Variants in NEK1 observed in about 807,000 individuals in gnomAD.
NEK1 encodes NIMA related kinase 1.
Under a neutral mutation model 182.1 loss-of-function variants are expected in NEK1, and 137 were observed. The ratio of observed to expected loss-of-function variants is 0.75; its 90% confidence interval spans 0.65 to 0.87. NEK1 has a LOEUF of 0.87. Ranked by LOEUF, NEK1 falls within the 40% of genes least tolerant of loss-of-function variation. The probability of loss-of-function intolerance (pLI) is 0.00; values close to 1 mark genes in which losing one functional copy is unlikely to be tolerated. For missense variants in NEK1, 1,391 were observed against 1,494.4 expected, an observed-to-expected ratio of 0.93 and a Z score of 1.14; for synonymous variants, 513 against 492.2, an observed-to-expected ratio of 1.04 and a Z score of -0.56.
At chr4:169,606,147 A>T (rs1771300778) in intron 2 of NEK1, among the ~76,000 whole-genome samples, 1 of 151,756 alleles carries the variant, frequency 6.6e-6, no homozygotes, top group Non-Finnish European at 1.5e-5. Flanking sequence ...AAAGAGTAAG[A>T]GTGATGGGGA....
intron 19 of NEK1, among the ~76,000 whole-genome samples, chr4:169,526,730 C>T (rs1411338264): frequency 6.6e-6 from 1 of 152,070 alleles, no homozygotes; most frequent in Non-Finnish European, 1.5e-5. Flanking sequence ...ATTGTTCAGG[C>T]TTATTTGATA....
At chr4:169,501,507 A>T (rs1480183685) in intron 23 of NEK1, among the ~76,000 whole-genome samples, 3 of 152,210 alleles carry the variant, frequency 2.0e-5, no homozygotes, top group Non-Finnish European at 4.4e-5. Flanking sequence ...GTCATAAAGC[A>T]AGTCTCAATA....
At position 169,602,561 on chromosome 4, in the gene NEK1, T is replaced by C. The variant is rs774586024; in HGVS notation, c.70A>G (p.Thr24Ala). The C allele has an allele frequency of 3.1e-6, 5 of 1,608,550 alleles. No homozygotes were observed. The highest frequency in any genetic ancestry group is 4.5e-5 in the East Asian group (2 of 44,654). The change falls in exon 3 of 36, where the codon ACA becomes GCA. Residue 24 changes from threonine to alanine, a missense_variant. Transcript: ENST00000507142. Reference sequence around the variant, plus strand: ...ATAACATACTGTCTGCCATCTTCTGTAGATTTAACAAGAATGGCTTTTCCA... The same window carrying C: ...ATAACATACTGTCTGCCATCTTCTGCAGATTTAACAAGAATGGCTTTTCCA... ...SFGKAILVKSTEDGRQYVIKE... is the reference protein window; with the variant it reads ...SFGKAILVKSAEDGRQYVIKE...
intron 12 of NEK1, among the ~76,000 whole-genome samples, chr4:169,565,032 T>G (rs1260943070): frequency 6.6e-6 from 1 of 152,162 alleles, no homozygotes; most frequent in Admixed American, 6.5e-5. Context: ...TCCCACACCC[T>G]CACTGTATTA....
intron 23 of NEK1, among the ~76,000 whole-genome samples, chr4:169,501,843 A>G (rs1362145436): frequency 6.6e-6 from 1 of 152,270 alleles, no homozygotes; most frequent in East Asian, 1.9e-4. Context: ...TACAGGAACT[A>G]GAAGAACAAA....
chr4:169,406,519 A>G (rs1030839887), intron 32 of NEK1, 77 bp downstream of exon 32: 10 of 1,024,584 alleles, frequency 9.8e-6, no homozygotes, highest in Non-Finnish European at 1.4e-5. Flanking sequence ...AAAAAGAGCT[A>G]GGTAAGTTAT....
chr4:169,398,733 T>C (rs1182544705), intron 35 of NEK1, among the ~76,000 whole-genome samples: 2 of 152,194 alleles, frequency 1.3e-5, no homozygotes, highest in Admixed American at 6.5e-5. Context: ...TACATATATA[T>C]ATTTCAATGC....
Position 169,600,228 on chromosome 4 carries a change from G to C in NEK1, c.215-1031C>G, listed in dbSNP as rs74815091. Among the ~76,000 whole-genome samples the C allele has an allele frequency of 2.7e-3, 412 of 151,938 alleles. 1 individual carries two copies. Among genetic ancestry groups the C allele is most frequent in the South Asian group, 5.6e-3 (27 of 4,812 alleles). ...GTATTTTTTTTTTCTTTTGAGACAGGGTCCAGGTTAGAGTGCAATGGCACG... is the reference window on the plus strand; with the variant it reads ...GTATTTTTTTTTTCTTTTGAGACAGCGTCCAGGTTAGAGTGCAATGGCACG... On this transcript the variant is annotated intron_variant, in intron 4 of 35. Transcript: ENST00000507142.
intron 33 of NEK1, among the ~76,000 whole-genome samples, chr4:169,400,919 A>AT (rs1337197099): frequency 1.8e-4 from 18 of 100,722 alleles, no homozygotes; most frequent in Non-Finnish European, 2.6e-4. Flanking sequence ...TGTTACTTAA[A>AT]TAAAAAAAAA....
chr4:169,401,543 A>G (rs1266558970), intron 33 of NEK1, 109 bp downstream of exon 33: 2 of 788,280 alleles, frequency 2.5e-6, no homozygotes, highest in Admixed American at 2.5e-5. Context: ...GGCATGCTTC[A>G]GTTGTATTTA....
At chr4:169,546,690 T>C (rs1291777373) in intron 18 of NEK1, among the ~76,000 whole-genome samples, 1 of 152,244 alleles carries the variant, frequency 6.6e-6, no homozygotes, top group Non-Finnish European at 1.5e-5. Context: ...TTAGGATAGT[T>C]AGCTCTTCTT....
chr4:169,570,092 T>C (rs1423227712), intron 12 of NEK1, among the ~76,000 whole-genome samples: 1 of 142,416 alleles, frequency 7.0e-6, no homozygotes, highest in East Asian at 2.1e-4. Context: ...GTGAGGAGCG[T>C]CTCTGCCTGG....
chr4:169,475,193 C>G (rs922088203), intron 26 of NEK1, among the ~76,000 whole-genome samples: 2 of 152,062 alleles, frequency 1.3e-5, no homozygotes, highest in Non-Finnish European at 2.9e-5. Flanking sequence ...CAGAGACCTG[C>G]AGATGGTAGC....
chr4:169,487,731 A>T (rs984615900), intron 23 of NEK1, among the ~76,000 whole-genome samples: 3 of 152,208 alleles, frequency 2.0e-5, no homozygotes, highest in Non-Finnish European at 4.4e-5. Flanking sequence ...TCTTTGAGGA[A>T]TCCCCACACT....
chr4:169,538,625 T>C (rs1341072896), intron 18 of NEK1, among the ~76,000 whole-genome samples: 1 of 152,112 alleles, frequency 6.6e-6, no homozygotes, highest in Non-Finnish European at 1.5e-5. Flanking sequence ...GATACAAATA[T>C]AAATAAAACC....
chr4:169,407,170 G>A (rs79485467), intron 31 of NEK1, among the ~76,000 whole-genome samples: 3,622 of 152,178 alleles, frequency 0.024, 53 homozygotes, highest in Non-Finnish European at 0.036. Context: ...TCTCACTCAC[G>A]ACCCATTTGT....
At chr4:169,472,052 T>G (rs1746072371) in intron 26 of NEK1, among the ~76,000 whole-genome samples, 1 of 151,940 alleles carries the variant, frequency 6.6e-6, no homozygotes, top group African/African-American at 2.4e-5. Context: ...TGGGGCTCCG[T>G]GGGGGTGGGA....
chr4:169,513,527 C>T (rs570824864), intron 19 of NEK1, among the ~76,000 whole-genome samples: 1 of 151,302 alleles, frequency 6.6e-6, no homozygotes, highest in Admixed American at 6.6e-5. Context: ...GAAATAGCAA[C>T]AACTTTATTT....
At chr4:169,443,994 A>G (rs1740024566) in intron 27 of NEK1, among the ~76,000 whole-genome samples, 1 of 152,228 alleles carries the variant, frequency 6.6e-6, no homozygotes, top group East Asian at 1.9e-4. Context: ...TTTCCCAAAG[A>G]AGCAAAAACT....
Sources: allele counts gnomAD v4.1 joint callset (sites outside exome capture counted in the v4.1 genomes callset), GRCh38; gene constraint gnomAD v4.1.1; transcripts MANE v1.5; gene names NCBI Gene and HGNC (gene_info 2026-07-23, HGNC 2026-07-21).